Variants in SPTB observed in about 807,000 individuals in gnomAD.
The protein encoded by SPTB is spectrin beta, erythrocytic, also known as spectrin beta chain, erythrocytic.
In SPTB, 45 loss-of-function variants were observed where a neutral mutation model predicts 256.2. The ratio of observed to expected loss-of-function variants is 0.18; its 90% CI spans 0.14 to 0.23. The LOEUF (loss-of-function observed/expected upper bound fraction) is 0.23, where lower values mean the gene tolerates loss of function less well. Ranked by LOEUF, SPTB falls within the 10% of genes least tolerant of loss-of-function variation. The probability of loss-of-function intolerance (pLI) is 1.00; values close to 1 mark genes in which losing one functional copy is unlikely to be tolerated. For synonymous variants in SPTB, 1,231 were observed against 1,243.1 expected (o/e 0.99, Z 0.21); for missense variants, 2,715 against 3,040.4 (o/e 0.89, Z 2.52).
At position 64,799,784 on chromosome 14, in the gene SPTB, C is replaced by T. The variant is rs149837193; in HGVS notation, c.1027G>A (p.Ala343Thr). The T allele has an allele frequency of 3.5e-4, 572 of 1,614,120 alleles. No individual in the cohort carries two copies. The highest frequency in any genetic ancestry group is 4.4e-4 in the Non-Finnish European group (522 of 1,180,052). The change falls in exon 9 of 36, where the codon GCC becomes ACC. Residue 343 changes from alanine to threonine, a missense_variant. By Grantham distance (58) the Ala-to-Thr change is moderately conservative. Around this residue, in one of 4 missense-constraint regions of SPTB, gnomAD observed 416 missense variants for 571.1 expected, o/e 0.73. Transcript: ENST00000644917. ...TCCACGGTGCGGTAGGTGCTGAAGG[C>T]CTGCAGCTGCTGCTGGACGCCCGTC... ...SLTGVQQQLQ[A>T]FSTYRTVEKP...
chr14:64,758,239 C>T lies in SPTB; in HGVS notation c.6346-4446G>A, dbSNP rs2082043542. Among the ~76,000 whole-genome samples the T allele has an allele frequency of 6.6e-6, 1 of 152,206 alleles. No individual in the cohort carries two copies. The highest frequency in any genetic ancestry group is 1.5e-5 in the Non-Finnish European group (1 of 68,044). On this transcript the variant is annotated intron_variant, in intron 32 of 35. Transcript: ENST00000644917. The surrounding 1 kb of genome is among the most constrained non-coding windows in gnomAD (Gnocchi z 4.6). ...TAAGGATCTCAAAAACCCTCTTGTTCCTGGAGTAGCAGATGCTCAGGACTG... is the reference window on the plus strand; with the variant it reads ...TAAGGATCTCAAAAACCCTCTTGTTTCTGGAGTAGCAGATGCTCAGGACTG...
At chr14:64,799,113 GTA>G (rs759098182) in intron 9 of SPTB, among the ~76,000 whole-genome samples, 59 of 152,290 alleles carry the variant, frequency 3.9e-4, no homozygotes, top group African/African-American at 1.4e-3. Flanking sequence ...GGTTGTGTGT[GTA>G]TGTTTGTGTG....
At chr14:64,817,048 G>C (rs1274868296) in intron 2 of SPTB, among the ~76,000 whole-genome samples, 2 of 152,220 alleles carry the variant, frequency 1.3e-5, no homozygotes, top group South Asian at 2.1e-4. Flanking sequence ...TCTTCACAAT[G>C]ATAGATAGCA....
intron 1 of SPTB, among the ~76,000 whole-genome samples, chr14:64,848,346 TCTC>T (rs922828521): frequency 2.0e-5 from 3 of 152,146 alleles, no homozygotes; most frequent in African/African-American, 7.2e-5. Context: ...CACTCCAAAT[TCTC>T]CTCATTTGTC....
At chr14:64,831,572 C>T (rs1216712923) in intron 1 of SPTB, among the ~76,000 whole-genome samples, 1 of 152,234 alleles carries the variant, frequency 6.6e-6, no homozygotes, top group African/African-American at 2.4e-5. Context: ...AGGGGCTGCC[C>T]TGTGCACTAC....
chr14:64,775,717 C>T lies in SPTB; in HGVS notation c.4564-314G>A, dbSNP rs17767400. ...CCTGGCAGCCTGTGCTCTTGACTGT[C>T]CCCTATCTTCCTGTGCTTCAGCAGA... On this transcript the variant is annotated intron_variant, in intron 22 of 35. Coordinates refer to ENST00000644917, the MANE Select transcript of SPTB (RefSeq NM_001355436.2). The surrounding 1 kb of genome is among the most constrained non-coding windows in gnomAD (Gnocchi z 5.0). Among the ~76,000 whole-genome samples, 38 of 152,222 alleles carry T rather than the reference C, an allele frequency of 2.5e-4. No homozygotes were observed. The highest frequency in any genetic ancestry group is 8.8e-5 in the Non-Finnish European group (6 of 68,040).
chr14:64,801,270 G>T lies in SPTB; in HGVS notation c.763+15C>A. 9 of 1,603,516 alleles carry T rather than the reference G, an allele frequency of 5.6e-6. No individual in the cohort carries two copies. The highest frequency in any genetic ancestry group is 7.7e-6 in the Non-Finnish European group (9 of 1,170,880). ...ACTGCTGCAGCAAAGGCTGGCAGGG[G>T]TGGGTGTGGCTCACCTTCGGGGTCG... On this transcript the variant is annotated intron_variant, in intron 7 of 35. Transcript: ENST00000644917.
intron 33 of SPTB, among the ~76,000 whole-genome samples, chr14:64,751,396 A>T (rs192971663): frequency 2.0e-4 from 30 of 152,216 alleles, no homozygotes; most frequent in African/African-American, 6.5e-4. Context: ...CTGGGATTAC[A>T]GTCCTGAGCC....
At chr14:64,848,597 C>T (rs1017968183) in intron 1 of SPTB, among the ~76,000 whole-genome samples, 6 of 152,266 alleles carry the variant, frequency 3.9e-5, no homozygotes, top group Non-Finnish European at 8.8e-5. Flanking sequence ...CATATTACAT[C>T]GCTGAATTAC....
intron 1 of SPTB, among the ~76,000 whole-genome samples, chr14:64,842,651 T>C (rs1217011214): frequency 6.6e-6 from 1 of 152,220 alleles, no homozygotes; most frequent in Non-Finnish European, 1.5e-5. Context: ...TCTGAATCTG[T>C]GTGGTCTACA....
In SPTB at chr14:64,785,319, A is replaced by G. The variant is rs141540796; in HGVS notation, c.3855+218T>C. 7.1e-4 allele frequency among the ~76,000 whole-genome samples: 108 copies of G among 152,094 alleles called. No individual in the cohort carries two copies. Among genetic ancestry groups the G allele is most frequent in the Middle Eastern group, 3.4e-3 (1 of 294 alleles). On this transcript the variant is annotated intron_variant, in intron 18 of 35. Coordinates refer to ENST00000644917, the MANE Select transcript of SPTB (RefSeq NM_001355436.2). This position sits in a 1 kb window ranked among gnomAD's most constrained non-coding sequence, Gnocchi z 4.4. ...CTACTCTTAAGAAACTCTGGCCTAG[A>G]CTTGACAGGTTAAGGATGACTTTTC...
rs745803591 is a variant in SPTB at position 64,749,291 on chromosome 14, C to G, written c.*15G>C. 6.3e-6 allele frequency: 10 copies of G among 1,579,958 alleles called. No homozygotes were observed. The highest frequency in any genetic ancestry group is 8.6e-6 in the Non-Finnish European group (10 of 1,166,734). On this transcript the variant is annotated 3_prime_UTR_variant, in exon 36 of 36. Transcript: ENST00000644917. The surrounding 1 kb of genome is among the most constrained non-coding windows in gnomAD (Gnocchi z 4.7). ...CTGCGCGTCCCGACTCCGCCGCGCC[C>G]GCCAGCCCCACCTGCTACTTCTTTT...
Position 64,749,419 on chromosome 14 carries a change from T to C in SPTB, c.6874A>G (p.Ser2292Gly), listed in dbSNP as rs761026876. 2 of 1,606,448 alleles carry C rather than the reference T, an allele frequency of 1.2e-6. No individual in the cohort carries two copies. The highest frequency in any genetic ancestry group is 1.7e-5 in the Admixed American group (1 of 59,960). Residue 2292 changes from serine to glycine, a missense_variant, in exon 36 of 36, where the codon AGC (serine) becomes GGC (glycine). Ser to Gly is a moderately conservative substitution (Grantham distance 56). Transcript: ENST00000644917. The surrounding 1 kb of genome is among the most constrained non-coding windows in gnomAD (Gnocchi z 4.7). ...GVSTAINESQ[S>G]IRVKAQSLPL... ...AGGCTCTGCGCCTTGACGCGGATGC[T>C]CTGGGACTCGTTGATGGCGGTGCTC...
rs2082291499 is a variant in SPTB at position 64,772,491 on chromosome 14, A to G, written c.5553+89T>C. On this transcript the variant is annotated intron_variant, in intron 26 of 35. Coordinates refer to ENST00000644917, the MANE Select transcript of SPTB (RefSeq NM_001355436.2). This position sits in a 1 kb window ranked among gnomAD's most constrained non-coding sequence, Gnocchi z 5.4. ...GGCAAAACCTCCTGGCACTTATCCTAGAGGTTTTCCTGCTGACAGCCAGGT... is the reference window on the plus strand; with the variant it reads ...GGCAAAACCTCCTGGCACTTATCCTGGAGGTTTTCCTGCTGACAGCCAGGT... 3.9e-6 allele frequency: 6 copies of G among 1,546,652 alleles called. No individual in the cohort carries two copies. Among genetic ancestry groups the G allele is most frequent in the East Asian group, 4.7e-5 (2 of 42,942 alleles).
Position 64,796,565 on chromosome 14 carries a change from C to G in SPTB, c.1333G>C (p.Val445Leu). ...AGCATGTCCCTCATTACCTGGGCCA[C>G]GAGGCGCTGGTTTTCACTGAGCCAG... is the stretch of plus-strand genomic sequence containing the variant. ...ETWLSENQRL[V>L]AQDNFGYDLA... The change falls in exon 11 of 36, where the codon GTG (valine) becomes CTG (leucine). Residue 445 changes from valine (V) to leucine (L), a missense_variant. Around this residue, in one of 4 missense-constraint regions of SPTB, gnomAD observed 416 missense variants for 571.1 expected, o/e 0.73. Transcript: ENST00000644917. This position sits in a 1 kb window ranked among gnomAD's most constrained non-coding sequence, Gnocchi z 4.1. The G allele has an allele frequency of 6.2e-7, 1 of 1,614,180 alleles. No individual in the cohort carries two copies. Among genetic ancestry groups the G allele is most frequent in the South Asian group, 1.1e-5 (1 of 91,084 alleles).
At chr14:64,794,242 A>C (rs1313391435) in intron 13 of SPTB, among the ~76,000 whole-genome samples, 1 of 152,234 alleles carries the variant, frequency 6.6e-6, no homozygotes, top group African/African-American at 2.4e-5. Context: ...AGCAAGGAGA[A>C]TGAAGGACAG....
intron 1 of SPTB, among the ~76,000 whole-genome samples, chr14:64,859,376 G>T (rs1207310374): frequency 1.3e-5 from 2 of 152,222 alleles, no homozygotes; most frequent in African/African-American, 4.8e-5. Context: ...GCGGAAAGAT[G>T]ATCTTTATAT....
At chr14:64,836,231 G>A (rs1393937265) in intron 1 of SPTB, among the ~76,000 whole-genome samples, 6 of 152,152 alleles carry the variant, frequency 3.9e-5, no homozygotes, top group East Asian at 3.9e-4. Flanking sequence ...TGTTGGGAGC[G>A]TAGCCTCCCC....
In SPTB at chr14:64,826,182, G is replaced by T. The variant is rs879583311; in HGVS notation, c.-51-3037C>A. On this transcript the variant is annotated intron_variant, in intron 1 of 35. Coordinates refer to ENST00000644917, the MANE Select transcript of SPTB (RefSeq NM_001355436.2). This position sits in a 1 kb window ranked among gnomAD's most constrained non-coding sequence, Gnocchi z 4.4. ...GCATGCAGGAAGGGAAGCTCTCGGA[G>T]AATCAGGTGTAAGAGGCAGGAAGGA... Among the ~76,000 whole-genome samples the T allele has an allele frequency of 1.2e-4, 19 of 152,254 alleles. No individual in the cohort carries two copies. Among genetic ancestry groups the T allele is most frequent in the Non-Finnish European group, 2.2e-4 (15 of 68,042 alleles).
Sources: allele counts gnomAD v4.1 joint callset (sites outside exome capture counted in the v4.1 genomes callset), GRCh38; gene constraint gnomAD v4.1.1; regional missense constraint gnomAD v4.1.1; non-coding constraint Gnocchi (gnomAD v3.1); transcripts MANE v1.5; gene names NCBI Gene and HGNC (gene_info 2026-07-23, HGNC 2026-07-21).